Variants in TXNRD3 observed in about 807,000 individuals in gnomAD.
TXNRD3 encodes thioredoxin reductase 3.
Under a neutral mutation model 78.2 loss-of-function variants are expected in TXNRD3, and 68 were observed. The ratio of observed to expected loss-of-function variants is 0.87; its 90% CI spans 0.72 to 1.06. The LOEUF is 1.06. Among genes scored for constraint, TXNRD3 ranks in the 50% least tolerant of loss-of-function variants. The pLI is 0.00. For synonymous variants in TXNRD3, 296 were observed against 300.1 expected (o/e 0.99, Z 0.14); for missense variants, 751 against 809.5 (o/e 0.93, Z 0.88).
At chr3:126,638,129 G>A (rs1472292313) in intron 6 of TXNRD3, among the ~76,000 whole-genome samples, 2 of 151,570 alleles carry the variant, frequency 1.3e-5, no homozygotes, top group African/African-American at 4.8e-5. Flanking sequence ...ATTTTTAGTA[G>A]AGACAGGGTT....
chr3:126,642,212 A>T, intron 5 of TXNRD3, 61 bp from the exon 6 acceptor site: 1 of 1,476,396 alleles, frequency 6.8e-7, no homozygotes, highest in Non-Finnish European at 8.9e-7. Flanking sequence ...ATCTGCAATC[A>T]TATTATATTA....
intron 10 of TXNRD3, 99 bp from the exon 11 acceptor site, chr3:126,622,639 G>T: frequency 1.2e-6 from 1 of 849,740 alleles, no homozygotes; most frequent in Non-Finnish European, 1.8e-6. Flanking sequence ...GGTAATAATG[G>T]AATATTACAA....
At chr3:126,642,363 GAGA>G (rs1430589587) in intron 5 of TXNRD3, among the ~76,000 whole-genome samples, 7 of 152,156 alleles carry the variant, frequency 4.6e-5, no homozygotes, top group East Asian at 1.9e-4. Context: ...ATGTGCATGT[GAGA>G]AGTTTTCTGG....
chr3:126,632,364 T>G (rs1471019540), intron 7 of TXNRD3, among the ~76,000 whole-genome samples: 1 of 152,094 alleles, frequency 6.6e-6, no homozygotes, highest in Non-Finnish European at 1.5e-5. Flanking sequence ...CAATTTTTAA[T>G]TATACAAATA....
At chr3:126,653,998 G>T (rs1025243435) in intron 1 of TXNRD3, among the ~76,000 whole-genome samples, 3 of 149,334 alleles carry the variant, frequency 2.0e-5, no homozygotes, top group African/African-American at 7.4e-5. Flanking sequence ...AAATATTGAT[G>T]AATAATATAT....
chr3:126,650,294 G>A lies in TXNRD3; in HGVS notation c.244-2998C>T, dbSNP rs188797417. ...CACAGGTCAGACGCTGCTCACAAGCGTGAGATGACTTTTCTTTGCCACATC... is the reference window on the plus strand; with the variant it reads ...CACAGGTCAGACGCTGCTCACAAGCATGAGATGACTTTTCTTTGCCACATC... On this transcript the variant is annotated intron_variant, in intron 1 of 15. Coordinates refer to ENST00000524230, the MANE Select transcript of TXNRD3 (RefSeq NM_052883.3). Among the ~76,000 whole-genome samples, 99 of 152,300 alleles carry A rather than the reference G, an allele frequency of 6.5e-4. 1 individual carries two copies. The highest frequency in any genetic ancestry group is 1.9e-4 in the East Asian group (1 of 5,176).
chr3:126,629,497 T>C (rs1256531217), intron 9 of TXNRD3, 26 bp from the exon 10 acceptor site: 12 of 1,489,298 alleles, frequency 8.1e-6, no homozygotes, highest in Non-Finnish European at 9.9e-6. Context: ...AGTGTAATGA[T>C]GTTATCTAAA....
chr3:126,625,359 T>C (rs189972261), intron 10 of TXNRD3, among the ~76,000 whole-genome samples: 1,493 of 135,632 alleles, frequency 0.011, 17 homozygotes, highest in South Asian at 0.025. Flanking sequence ...CCTGTGTCCA[T>C]GTGTTCTCAT....
At chr3:126,631,049 A>G in intron 8 of TXNRD3, 112 bp from the exon 9 acceptor site, 2 of 1,054,900 alleles carry the variant, frequency 1.9e-6, no homozygotes, top group Non-Finnish European at 2.7e-6. Flanking sequence ...TAGTGCTTGA[A>G]TGAAGCAACA....
chr3:126,637,932 CTTTTTTTTTTTTTTT>C (rs71615916), intron 6 of TXNRD3, among the ~76,000 whole-genome samples: 2 of 60,190 alleles, frequency 3.3e-5, no homozygotes, highest in Non-Finnish European at 5.7e-5. Context: ...ATTTCTCTCT[CTTTTTTTTTTTTTTT>C]TTTTTTTTTT....
At chr3:126,609,589 T>C (rs140080986) in intron 14 of TXNRD3, among the ~76,000 whole-genome samples, 4 of 152,298 alleles carry the variant, frequency 2.6e-5, no homozygotes, top group African/African-American at 9.6e-5. Context: ...TTCCATTTCG[T>C]AAGTTCGAGG....
intron 14 of TXNRD3, 144 bp downstream of exon 14, chr3:126,610,893 C>G: frequency 2.2e-6 from 1 of 464,456 alleles, no homozygotes; most frequent in Non-Finnish European, 3.8e-6. Context: ...GCAGGAGGAT[C>G]ACTTGAGGCC....
At chr3:126,619,576 G>A (rs1230071824) in intron 12 of TXNRD3, among the ~76,000 whole-genome samples, 1 of 152,184 alleles carries the variant, frequency 6.6e-6, no homozygotes, top group East Asian at 1.9e-4. Flanking sequence ...TAAAGGGGAG[G>A]ATGGGGAGAG....
chr3:126,651,323 T>C (rs9637365), intron 1 of TXNRD3, among the ~76,000 whole-genome samples: 73,506 of 152,034 alleles, frequency 0.48, 19,186 homozygotes, highest in East Asian at 0.64. Context: ...ACTGGAGCAA[T>C]GCTCACCTCC....
intron 1 of TXNRD3, among the ~76,000 whole-genome samples, chr3:126,647,779 G>A (rs1207900544): frequency 6.6e-6 from 1 of 152,164 alleles, no homozygotes; most frequent in Non-Finnish European, 1.5e-5. Context: ...AAGCTGCAGT[G>A]AGCCATGATC....
chr3:126,623,179 T>C (rs1188240253), intron 10 of TXNRD3, among the ~76,000 whole-genome samples: 2 of 152,248 alleles, frequency 1.3e-5, no homozygotes, highest in Admixed American at 1.3e-4. Flanking sequence ...ATATGTCCTA[T>C]ACCATTAAAG....
At position 126,622,550 on chromosome 3, in the gene TXNRD3, C is replaced by A; in HGVS notation, c.1291-10G>T. The A allele has an allele frequency of 6.5e-7, 1 of 1,529,838 alleles. No homozygotes were observed. The highest frequency in any genetic ancestry group is 8.7e-7 in the Non-Finnish European group (1 of 1,144,366). The allele number at this position is 1,529,838 out of a possible 1,614,324, so 94.8% of individuals were successfully genotyped here. On this transcript the variant is annotated splice_polypyrimidine_tract_variant and intron_variant, in intron 10 of 15. Transcript: ENST00000524230. ...CAATAGCTAACAAAACCTGCATTTG[C>A]AGAGAAATCAAAAACACAAATTATC...
chr3:126,623,911 T>C (rs1248277077), intron 10 of TXNRD3, among the ~76,000 whole-genome samples: 1 of 144,522 alleles, frequency 6.9e-6, no homozygotes, highest in Non-Finnish European at 1.5e-5. Flanking sequence ...AACAAAATTG[T>C]TTTTATTTGT....
chr3:126,646,074 A>G, intron 3 of TXNRD3, 37 bp downstream of exon 3: 1 of 1,430,408 alleles, frequency 7.0e-7, no homozygotes, highest in Non-Finnish European at 9.3e-7. Flanking sequence ...TAAAATATGA[A>G]CAAACAGCAT....
Sources: allele counts gnomAD v4.1 joint callset (sites outside exome capture counted in the v4.1 genomes callset), GRCh38; gene constraint gnomAD v4.1.1; transcripts MANE v1.5; gene names NCBI Gene and HGNC (gene_info 2026-07-23, HGNC 2026-07-21).